A1CF: variants seen among roughly 807,000 people sequenced by gnomAD.
The protein encoded by A1CF is APOBEC-1 stimulating protein.
In A1CF, 48 loss-of-function variants were observed where a neutral mutation model predicts 68.9. The observed-to-expected ratio is 0.70, with a 90% CI of 0.55 to 0.89. A1CF has a LOEUF of 0.89. Ranked by LOEUF, A1CF falls within the 40% of genes least tolerant of loss-of-function variation. The pLI is 0.00. For synonymous variants in A1CF, 272 were observed against 260.4 expected (o/e 1.04, Z -0.43); for missense variants, 653 against 718.9 (o/e 0.91, Z 1.05).
chr10:50,806,934 T>C, intron 12 of A1CF, 54 bp from the exon 13 acceptor site: 2 of 1,546,516 alleles, frequency 1.3e-6, no homozygotes, highest in Non-Finnish European at 8.8e-7. Flanking sequence ...TTGCTCCCTT[T>C]TGGCTTATTT....
At chr10:50,819,071 G>A (rs1379942381) in intron 8 of A1CF, among the ~76,000 whole-genome samples, 4 of 152,134 alleles carry the variant, frequency 2.6e-5, no homozygotes, top group Non-Finnish European at 5.9e-5. Context: ...GTCTTTGAGA[G>A]GTCACCTTGG....
intron 1 of A1CF, among the ~76,000 whole-genome samples, chr10:50,864,408 TTCCCTTCTCCTTTATA>T (rs1325832189): frequency 2.6e-5 from 4 of 152,184 alleles, no homozygotes; most frequent in Non-Finnish European, 5.9e-5. Context: ...CCCCTTTCCC[TTCCCTTCTCCTTTATA>T]TCCCTTCTAA....
At chr10:50,850,718 T>A in intron 3 of A1CF, 1 of 1,614,170 alleles carries the variant, frequency 6.2e-7, no homozygotes. Flanking sequence ...TTTCCTTTTT[T>A]GAGGCCAGGA....
At chr10:50,827,616 TC>T (rs1418200773) in intron 7 of A1CF, among the ~76,000 whole-genome samples, 1 of 152,140 alleles carries the variant, frequency 6.6e-6, no homozygotes, top group Non-Finnish European at 1.5e-5. Flanking sequence ...CATACCAGAA[TC>T]TCTGGAACAC....
Position 50,805,526 on chromosome 10 carries a change from T to C in A1CF, c.*1203A>G, listed in dbSNP as rs557658455. ...ATTTGGTAAATAACACCCATGCTGA[T>C]TGTCTGAAACAGTTTCTAATCAGCA... On this transcript the variant is annotated 3_prime_UTR_variant, in exon 13 of 13. Coordinates refer to ENST00000373997, the MANE Select transcript of A1CF (RefSeq NM_014576.4). 6 of 152,336 alleles carry C rather than the reference T, an allele frequency of 3.9e-5. No individual in the cohort carries two copies. The highest frequency in any genetic ancestry group is 4.1e-4 in the South Asian group (2 of 4,830). The allele number at this position is 152,336 out of a possible 1,614,324, so 9.4% of individuals were successfully genotyped here.
At chr10:50,808,913 C>A (rs1837961455) in intron 12 of A1CF, among the ~76,000 whole-genome samples, 1 of 151,910 alleles carries the variant, frequency 6.6e-6, no homozygotes, top group Non-Finnish European at 1.5e-5. Flanking sequence ...TATCATGTTT[C>A]TAGGTCTACT....
intron 5 of A1CF, among the ~76,000 whole-genome samples, chr10:50,838,685 G>A (rs1839635543): frequency 6.6e-6 from 1 of 152,176 alleles, no homozygotes; most frequent in African/African-American, 2.4e-5. Context: ...ATAATGATAG[G>A]TGGGTGAGAA....
chr10:50,845,137 A>G (rs1839940911), intron 3 of A1CF, among the ~76,000 whole-genome samples: 3 of 152,162 alleles, frequency 2.0e-5, no homozygotes, highest in Admixed American at 1.3e-4. Context: ...GTTTCAAACA[A>G]CTGAGTATTT....
At chr10:50,834,099 A>C (rs1052649088) in intron 6 of A1CF, among the ~76,000 whole-genome samples, 4 of 152,142 alleles carry the variant, frequency 2.6e-5, no homozygotes, top group South Asian at 2.1e-4. Context: ...TAGAAAAAGG[A>C]GTTCCTTCGG....
intron 3 of A1CF, among the ~76,000 whole-genome samples, chr10:50,858,449 G>A (rs922875928): frequency 2.6e-5 from 4 of 151,924 alleles, no homozygotes; most frequent in African/African-American, 9.7e-5. Context: ...TAATTTTCTT[G>A]TATTTATACA....
chr10:50,837,792 A>G lies in A1CF; in HGVS notation c.366-1480T>C, dbSNP rs377239318. On this transcript the variant is annotated intron_variant, in intron 5 of 12. Transcript: ENST00000373997. ...AAAAGACAGGCATTCATACCATTGC[A>G]CGCTCTGCAGTCGTTAAAAAGAGTA... Among the ~76,000 whole-genome samples the G allele has an allele frequency of 3.3e-4, 51 of 152,314 alleles. 2 individuals carry two copies. In the South Asian group the frequency reaches 9.5e-3, roughly 29 times the overall value.
intron 12 of A1CF, among the ~76,000 whole-genome samples, chr10:50,807,472 G>A (rs1837887859): frequency 1.3e-5 from 2 of 152,238 alleles, no homozygotes; most frequent in South Asian, 4.2e-4. Flanking sequence ...ATATTTACAT[G>A]TAACTATGAA....
At chr10:50,839,125 T>A (rs935408831) in intron 5 of A1CF, among the ~76,000 whole-genome samples, 1 of 152,202 alleles carries the variant, frequency 6.6e-6, no homozygotes, top group Non-Finnish European at 1.5e-5. Flanking sequence ...GACACTAAAA[T>A]TCACAGAGGA....
At chr10:50,836,033 A>G in intron 6 of A1CF, 41 bp downstream of exon 6, 1 of 1,517,234 alleles carries the variant, frequency 6.6e-7, no homozygotes, top group Non-Finnish European at 8.9e-7. Flanking sequence ...GGCAGGCAGG[A>G]TAGGCAGAGA....
intron 1 of A1CF, among the ~76,000 whole-genome samples, chr10:50,876,172 G>A (rs1589050432): frequency 6.6e-6 from 1 of 152,314 alleles, no homozygotes; most frequent in Non-Finnish European, 1.5e-5. Context: ...TTGTGTGTAT[G>A]TATAGATGTA....
intron 7 of A1CF, among the ~76,000 whole-genome samples, chr10:50,826,806 C>A (rs1395344793): frequency 1.3e-5 from 2 of 152,114 alleles, no homozygotes; most frequent in East Asian, 1.9e-4. Flanking sequence ...GGTAAGTGGG[C>A]TAAATGCTCC....
chr10:50,813,603 CT>C (rs1838224659), intron 10 of A1CF, among the ~76,000 whole-genome samples: 1 of 152,098 alleles, frequency 6.6e-6, no homozygotes, highest in South Asian at 2.1e-4. Flanking sequence ...CTCTCAGATT[CT>C]TTGCATTTCA....
At position 50,816,081 on chromosome 10, in the gene A1CF, T is replaced by C. The variant is rs1185522344; in HGVS notation, c.1066A>G (p.Ile356Val). 6.2e-7 allele frequency: 1 copy of C among 1,613,822 alleles called. No individual in the cohort carries two copies. The highest frequency in any genetic ancestry group is 2.2e-5 in the East Asian group (1 of 44,840). ...GTGGCTGGGAAATGAAGACTGGGAA[T>C]TGCTGCATAGGTCTGGGGGGCATAG... ...VFYAPQTYAAIPSLHFPATKG... is the reference protein window; with the variant it reads ...VFYAPQTYAAVPSLHFPATKG... Residue 356 changes from isoleucine to valine, a missense_variant, in exon 9 of 13, where the codon ATT becomes GTT. Ile to Val is a conservative substitution (Grantham distance 29, BLOSUM62 3). Transcript: ENST00000373997.
chr10:50,818,874 A>C (rs978263663), intron 8 of A1CF, among the ~76,000 whole-genome samples: 1 of 152,070 alleles, frequency 6.6e-6, no homozygotes, highest in Non-Finnish European at 1.5e-5. Context: ...TCCCTTTGCC[A>C]TCTGGATCCA....
Sources: gnomAD v4.1 joint callset for allele counts (sites outside exome capture counted in the v4.1 genomes callset) on GRCh38, gnomAD v4.1.1 for gene constraint, MANE v1.5 for transcripts, NCBI Gene and HGNC (gene_info 2026-07-23, HGNC 2026-07-21) for gene names.